DCC: variants seen among roughly 807,000 people sequenced by gnomAD.
DCC encodes DCC netrin 1 receptor.
In DCC, 58 loss-of-function variants were observed where a neutral mutation model predicts 172.5. The observed-to-expected ratio is 0.34, with a 90% confidence interval of 0.27 to 0.42. The LOEUF (loss-of-function observed/expected upper bound fraction) is 0.42. Among genes scored for constraint, DCC ranks in the 10% least tolerant of loss-of-function variants. The pLI, the probability that DCC is intolerant of heterozygous loss-of-function variation, is 1.00. For missense variants in DCC, 1,740 were observed against 1,791.0 expected (o/e 0.97, Z 0.51); for synonymous variants, 709 against 644.5 (o/e 1.10, Z -1.52).
chr18:53,173,618 A>G (rs2055046318), intron 8 of DCC, among the ~76,000 whole-genome samples: 1 of 152,178 alleles, frequency 6.6e-6, no homozygotes, highest in Admixed American at 6.6e-5. Flanking sequence ...CAATTCAACA[A>G]GAAGAGCTAA....
intron 1 of DCC, among the ~76,000 whole-genome samples, chr18:52,342,176 C>CT (rs1382120617): frequency 1.3e-5 from 2 of 152,216 alleles, no homozygotes; most frequent in African/African-American, 4.8e-5. Context: ...CAAAGCCTCG[C>CT]TCGGCCGCAC....
intron 7 of DCC, among the ~76,000 whole-genome samples, chr18:53,127,501 T>G (rs1402723153): frequency 6.6e-6 from 1 of 152,096 alleles, no homozygotes; most frequent in Non-Finnish European, 1.5e-5. Flanking sequence ...GTTTTAAATT[T>G]TGCAAATGTT....
intron 7 of DCC, among the ~76,000 whole-genome samples, chr18:53,071,159 T>C (rs4995148): frequency 6.6e-6 from 1 of 152,126 alleles, no homozygotes; most frequent in East Asian, 1.9e-4. Context: ...GTGTCTGTAG[T>C]TGTCGGATAT....
chr18:53,369,950 T>C (rs1203723051), intron 15 of DCC, among the ~76,000 whole-genome samples: 1 of 151,848 alleles, frequency 6.6e-6, no homozygotes, highest in East Asian at 1.9e-4. Flanking sequence ...CTGACTTTGG[T>C]AATAGGAAAA....
intron 2 of DCC, among the ~76,000 whole-genome samples, chr18:52,795,364 C>T (rs1303817453): frequency 1.3e-5 from 2 of 151,812 alleles, no homozygotes; most frequent in Admixed American, 6.6e-5. Flanking sequence ...AGGTTGTATG[C>T]GTTTAGGAAT....
rs183220980 is a variant in DCC at position 52,982,577 on chromosome 18, G to A, written c.985+57207G>A. Among the ~76,000 whole-genome samples, 9 of 152,106 alleles carry A rather than the reference G, an allele frequency of 5.9e-5. No individual in the cohort carries two copies. In the East Asian group the frequency reaches 1.5e-3, roughly 26 times the overall value. On this transcript the variant is annotated intron_variant, in intron 5 of 28. Coordinates refer to ENST00000442544, the MANE Select transcript of DCC (RefSeq NM_005215.4). Reference sequence around the variant, plus strand: ...GTTCTGGGAGGTGTACTGTGCATGGGAGTATGTTTAGAATCACCCCTGCCT... The same window carrying A: ...GTTCTGGGAGGTGTACTGTGCATGGAAGTATGTTTAGAATCACCCCTGCCT...
chr18:53,003,913 G>C (rs747489691), intron 5 of DCC, among the ~76,000 whole-genome samples: 28 of 152,154 alleles, frequency 1.8e-4, no homozygotes, highest in Admixed American at 9.2e-4. Context: ...AGGTCTACAA[G>C]GTGTATCAGG....
intron 1 of DCC, among the ~76,000 whole-genome samples, chr18:52,717,536 C>T (rs992987537): frequency 8.1e-5 from 12 of 148,696 alleles, no homozygotes; most frequent in Non-Finnish European, 1.3e-4. Flanking sequence ...GCAGCAGATA[C>T]TAACATTCAG....
At chr18:53,045,258 A>G (rs2042221814) in intron 5 of DCC, among the ~76,000 whole-genome samples, 2 of 151,914 alleles carry the variant, frequency 1.3e-5, no homozygotes, top group Non-Finnish European at 2.9e-5. Flanking sequence ...TTTTCTTTCC[A>G]ACCCTTTCCA....
chr18:52,712,050 C>T (rs2036301796), intron 1 of DCC, among the ~76,000 whole-genome samples: 1 of 152,048 alleles, frequency 6.6e-6, no homozygotes, highest in South Asian at 2.1e-4. Flanking sequence ...CAACCTCTGC[C>T]TCCTGGTTCA....
intron 12 of DCC, among the ~76,000 whole-genome samples, chr18:53,247,332 GGTGA>G (rs1475930873): frequency 6.6e-6 from 1 of 151,930 alleles, no homozygotes; most frequent in African/African-American, 2.4e-5. Context: ...GACACCGTGT[GGTGA>G]GTAATATTGT....
rs71871623 is a variant in DCC, at chr18:52,355,207, TAA to T, written c.91+14339_91+14340del. Among the ~76,000 whole-genome samples the T allele has an allele frequency of 4.8e-5, 7 of 146,220 alleles. No homozygotes were observed. The South Asian group carries it at 6.6e-4, about 14-fold the overall frequency. ...GAAGTCAAGACAAGATGATGGAGATTAAAAAAAAAAAGCACATAGAATGAAAA... is the reference window on the plus strand; with the variant it reads ...GAAGTCAAGACAAGATGATGGAGATTAAAAAAAAAGCACATAGAATGAAAA... On this transcript the variant is annotated intron_variant, in intron 1 of 28. Coordinates refer to ENST00000442544, the MANE Select transcript of DCC (RefSeq NM_005215.4).
chr18:53,212,974 C>T (rs8086812), intron 11 of DCC, among the ~76,000 whole-genome samples: 1 of 151,792 alleles, frequency 6.6e-6, no homozygotes, highest in Non-Finnish European at 1.5e-5. Context: ...GCCCAGCCTG[C>T]CTTTCAATTC....
At chr18:52,675,422 C>T (rs1366154568) in intron 1 of DCC, among the ~76,000 whole-genome samples, 1 of 152,138 alleles carries the variant, frequency 6.6e-6, no homozygotes, top group African/African-American at 2.4e-5. Context: ...GCTCTTTAAG[C>T]TGGAAGCCCC....
intron 7 of DCC, among the ~76,000 whole-genome samples, chr18:53,124,285 C>A (rs374316422): frequency 6.6e-6 from 1 of 152,150 alleles, no homozygotes; most frequent in South Asian, 2.1e-4. Flanking sequence ...CACAGTGTAA[C>A]AAAACCATAA....
chr18:52,559,856 A>C (rs535797555), intron 1 of DCC, among the ~76,000 whole-genome samples: 2 of 152,330 alleles, frequency 1.3e-5, no homozygotes, highest in East Asian at 3.9e-4. Flanking sequence ...TTATTTATGA[A>C]GCTAATCAGG....
intron 7 of DCC, among the ~76,000 whole-genome samples, chr18:53,101,833 G>GTGTGTGTGTA (rs2043177359): frequency 1.5e-5 from 1 of 68,340 alleles, no homozygotes; most frequent in Non-Finnish European, 3.7e-5. Flanking sequence ...GTGTATTTGT[G>GTGTGTGTGTA]TGTGTGTGCG....
chr18:52,371,850 C>T (rs1299641422), intron 1 of DCC, among the ~76,000 whole-genome samples: 1 of 152,192 alleles, frequency 6.6e-6, no homozygotes, highest in Admixed American at 6.5e-5. Context: ...CCCTAGGTTC[C>T]TCTCTGGCCT....
chr18:52,408,372 T>A (rs1170654873), intron 1 of DCC, among the ~76,000 whole-genome samples: 1 of 152,052 alleles, frequency 6.6e-6, no homozygotes, highest in Non-Finnish European at 1.5e-5. Flanking sequence ...TAAATTTTCT[T>A]AAAGAATATC....
Sources: allele counts gnomAD v4.1 joint callset (sites outside exome capture counted in the v4.1 genomes callset), GRCh38; gene constraint gnomAD v4.1.1; transcripts MANE v1.5; gene names NCBI Gene and HGNC (gene_info 2026-07-23, HGNC 2026-07-21).